ALPK1: variants seen among roughly 807,000 people sequenced by gnomAD.
ALPK1 encodes alpha-protein kinase 1.
ALPK1 carries 110 observed loss-of-function variants against 120.6 expected under a neutral mutation model. The ratio of observed to expected loss-of-function variants is 0.91; its 90% confidence interval spans 0.78 to 1.07. ALPK1 has a LOEUF of 1.07. Among genes scored for constraint, ALPK1 ranks in the 50% least tolerant of loss-of-function variants. The probability of loss-of-function intolerance (pLI) is 0.00; values close to 1 mark genes in which losing one functional copy is unlikely to be tolerated. For synonymous variants in ALPK1, 582 were observed against 560.3 expected (o/e 1.04, Z -0.55); for missense variants, 1,498 against 1,483.9 (o/e 1.01, Z -0.16).
chr4:112,357,792 C>T, intron 2 of ALPK1: 1 of 1,026,262 alleles, frequency 9.7e-7, no homozygotes. Flanking sequence ...GGCTCCTGAT[C>T]TTCTTCCCTT....
chr4:112,439,215 G>A (rs1004242840), intron 13 of ALPK1, among the ~76,000 whole-genome samples: 3 of 152,022 alleles, frequency 2.0e-5, no homozygotes, highest in Non-Finnish European at 4.4e-5. Flanking sequence ...TTTTAGACCC[G>A]TCTTTTCCTA....
intron 2 of ALPK1, among the ~76,000 whole-genome samples, chr4:112,349,557 C>G (rs1201500823): frequency 7.0e-6 from 1 of 143,016 alleles, no homozygotes. Context: ...CCCTGCCCCC[C>G]CCCGCTTTAT....
chr4:112,438,278 G>A (rs1734873172), intron 12 of ALPK1, among the ~76,000 whole-genome samples: 1 of 152,192 alleles, frequency 6.6e-6, no homozygotes, highest in South Asian at 2.1e-4. Context: ...TTCTGGGTCA[G>A]CTAGAATGAG....
intron 6 of ALPK1, among the ~76,000 whole-genome samples, chr4:112,424,232 A>C (rs1216092213): frequency 6.6e-6 from 1 of 152,038 alleles, no homozygotes; most frequent in Non-Finnish European, 1.5e-5. Context: ...GGAACCTACT[A>C]TTGGCCTGCT....
rs33943680 is a variant in ALPK1, at chr4:112,382,476, A to G, written c.200A>G (p.Gln67Arg). The change falls in exon 4 of 16, where the codon CAG becomes CGG. Residue 67 changes from glutamine to arginine, a missense_variant. Physicochemically the swap from Gln to Arg is conservative, Grantham distance 43. Coordinates refer to ENST00000650871, the MANE Select transcript of ALPK1 (RefSeq NM_025144.4). ...MKWPFVPEKW[Q>R]YKQAVGPEDK... ...TGGCCCTTCGTGCCTGAAAAGTGGC[A>G]GTACAAACAAGCCGTGGGCCCAGAG... The G allele has an allele frequency of 7.8e-3, 12,641 of 1,614,150 alleles. 63 individuals carry two copies. Among genetic ancestry groups the G allele is most frequent in the Non-Finnish European group, 9.0e-3 (10,599 of 1,180,012 alleles).
chr4:112,377,937 G>T, intron 3 of ALPK1, 39 bp downstream of exon 3: 1 of 1,575,802 alleles, frequency 6.3e-7, no homozygotes, highest in Non-Finnish European at 8.7e-7. Flanking sequence ...TGAACCAGCA[G>T]GTTCACTCTC....
At chr4:112,334,994 C>T (rs541275899) in intron 2 of ALPK1, among the ~76,000 whole-genome samples, 2 of 152,320 alleles carry the variant, frequency 1.3e-5, no homozygotes, top group South Asian at 4.1e-4. Flanking sequence ...CACAGTGGCT[C>T]ATGCCTGTAA....
chr4:112,301,836 T>A (rs949842597), intron 1 of ALPK1, among the ~76,000 whole-genome samples: 37 of 152,150 alleles, frequency 2.4e-4, no homozygotes, highest in Non-Finnish European at 4.9e-4. Context: ...CATTGCAAGT[T>A]CTACGTCCTG....
intron 2 of ALPK1, among the ~76,000 whole-genome samples, chr4:112,354,237 G>GT (rs1278946291): frequency 1.3e-5 from 2 of 149,390 alleles, no homozygotes; most frequent in South Asian, 2.1e-4. Context: ...CGATTTGCTT[G>GT]TTTTTTTTCA....
At chr4:112,376,961 G>C (rs564001109) in intron 2 of ALPK1, among the ~76,000 whole-genome samples, 117 of 152,118 alleles carry the variant, frequency 7.7e-4, no homozygotes, top group African/African-American at 2.7e-3. Flanking sequence ...TGCGCTGTTA[G>C]TAAGTTATTT....
chr4:112,368,047 T>G (rs1448673832), intron 2 of ALPK1, among the ~76,000 whole-genome samples: 2 of 152,022 alleles, frequency 1.3e-5, no homozygotes, highest in African/African-American at 4.8e-5. Context: ...CCACCTATAA[T>G]TCATTGCACC....
At chr4:112,353,491 G>T (rs970162111) in intron 2 of ALPK1, among the ~76,000 whole-genome samples, 1 of 152,180 alleles carries the variant, frequency 6.6e-6, no homozygotes, top group African/African-American at 2.4e-5. Context: ...CAAACTGTAG[G>T]TTCCAATAAT....
chr4:112,389,422 CCTGA>C (rs969672826), intron 4 of ALPK1, among the ~76,000 whole-genome samples: 6 of 152,186 alleles, frequency 3.9e-5, no homozygotes, highest in African/African-American at 1.2e-4. Context: ...CTACTCTTGC[CCTGA>C]CTAATTCAGG....
chr4:112,379,450 C>T (rs1360164002), intron 3 of ALPK1, among the ~76,000 whole-genome samples: 1 of 152,252 alleles, frequency 6.6e-6, no homozygotes, highest in Non-Finnish European at 1.5e-5. Context: ...CTAAGCGGAG[C>T]CATTGGCAGC....
intron 2 of ALPK1, among the ~76,000 whole-genome samples, chr4:112,323,188 C>T (rs1442665901): frequency 7.9e-5 from 12 of 152,210 alleles, no homozygotes; most frequent in Admixed American, 7.2e-4. Context: ...GGAGTCCTAC[C>T]CATCTTTCAA....
chr4:112,337,185 A>T (rs927690480), intron 2 of ALPK1, among the ~76,000 whole-genome samples: 7 of 152,112 alleles, frequency 4.6e-5, no homozygotes, highest in South Asian at 2.1e-4. Flanking sequence ...ATCATTATTT[A>T]AAAAATATAT....
chr4:112,318,432 G>A (rs1211259798), intron 2 of ALPK1, among the ~76,000 whole-genome samples: 1 of 152,214 alleles, frequency 6.6e-6, no homozygotes, highest in Non-Finnish European at 1.5e-5. Flanking sequence ...GACACAGATA[G>A]TGAGTGTCAA....
intron 5 of ALPK1, among the ~76,000 whole-genome samples, chr4:112,422,745 A>C (rs1734055423): frequency 6.6e-6 from 1 of 152,244 alleles, no homozygotes; most frequent in Admixed American, 6.5e-5. Context: ...AAGGTCTGGA[A>C]TGGTTTCATC....
At chr4:112,359,511 G>C (rs1730813096) in intron 2 of ALPK1, 1 of 259,570 alleles carries the variant, frequency 3.9e-6, no homozygotes, top group Non-Finnish European at 7.6e-6. Flanking sequence ...GCCCAACCCA[G>C]GCATGGAGCC....
Sources: gnomAD v4.1 joint callset for allele counts (sites outside exome capture counted in the v4.1 genomes callset) on GRCh38, gnomAD v4.1.1 for gene constraint, MANE v1.5 for transcripts, NCBI Gene and HGNC (gene_info 2026-07-23, HGNC 2026-07-21) for gene names.